SOX5: variants seen among roughly 807,000 people sequenced by gnomAD.
The protein encoded by SOX5 is SRY-box transcription factor 5.
Under a neutral mutation model 92.0 loss-of-function variants are expected in SOX5, and 9 were observed. The observed-to-expected ratio is 0.10, with a 90% CI of 0.06 to 0.17. SOX5 has a LOEUF of 0.17. Among genes scored for constraint, SOX5 ranks in the 10% least tolerant of loss-of-function variants. The pLI, the probability that SOX5 is intolerant of heterozygous loss-of-function variation, is 1.00. For synonymous variants in SOX5, 344 were observed against 336.3 expected (o/e 1.02, Z -0.25); for missense variants, 642 against 944.5 (o/e 0.68, Z 4.20).
chr12:23,577,864 G>A (rs1248008809), intron 9 of SOX5, among the ~76,000 whole-genome samples: 1 of 151,630 alleles, frequency 6.6e-6, no homozygotes, highest in Non-Finnish European at 1.5e-5. Context: ...GCTCACACCT[G>A]TAATCCCAGC....
At chr12:24,167,386 T>A (rs1953538342) in intron 4 of SOX5, among the ~76,000 whole-genome samples, 1 of 152,240 alleles carries the variant, frequency 6.6e-6, no homozygotes, top group Non-Finnish European at 1.5e-5. Context: ...CAAACACACC[T>A]ATTAACAATT....
chr12:23,865,696 A>C (rs2096804347), intron 2 of SOX5, among the ~76,000 whole-genome samples: 1 of 152,136 alleles, frequency 6.6e-6, no homozygotes, highest in Admixed American at 6.5e-5. Context: ...AAAAAAATAC[A>C]TTTTGTAAGG....
intron 3 of SOX5, among the ~76,000 whole-genome samples, chr12:23,771,668 A>T (rs2094939766): frequency 6.6e-6 from 1 of 152,136 alleles, no homozygotes; most frequent in Non-Finnish European, 1.5e-5. Context: ...ACATCCATTA[A>T]AAAGGTTAAT....
intron 2 of SOX5, among the ~76,000 whole-genome samples, chr12:23,874,409 G>A (rs927085840): frequency 1.3e-5 from 2 of 152,202 alleles, no homozygotes; most frequent in East Asian, 1.9e-4. Flanking sequence ...GCAGACCACC[G>A]CAACCTTGGT....
chr12:24,343,260 C>A (rs1216351161), intron 2 of SOX5, among the ~76,000 whole-genome samples: 1 of 146,670 alleles, frequency 6.8e-6, no homozygotes, highest in Admixed American at 6.8e-5. Flanking sequence ...GTTCTTCTGT[C>A]TATAATTTAT....
chr12:24,252,036 A>C (rs2140165575), intron 3 of SOX5, among the ~76,000 whole-genome samples: 1 of 152,310 alleles, frequency 6.6e-6, no homozygotes, highest in Non-Finnish European at 1.5e-5. Context: ...TCATTCTGCA[A>C]ATCTTAATCA....
At chr12:23,806,016 C>G (rs1022715643) in intron 3 of SOX5, among the ~76,000 whole-genome samples, 6 of 152,050 alleles carry the variant, frequency 3.9e-5, no homozygotes, top group African/African-American at 1.4e-4. Context: ...TAGGAATATG[C>G]TAAGATTTAG....
chr12:23,604,451 G>A lies in SOX5; in HGVS notation c.1100C>T (p.Ala367Val). 6.2e-7 allele frequency: 1 copy of A among 1,613,744 alleles called. No homozygotes were observed. ...GTGAATGCTGGTAGGAGATACAGCA[G>A]CACCAAGGTTGCCTTGGGGTATGCC... is the stretch of plus-strand genomic sequence containing the variant. ...LPGIPQGNLG[A>V]AVSPTSIHTD... The change falls in exon 9 of 15, where the codon GCT (alanine) becomes GTT (valine). Residue 367 changes from alanine to valine, a missense_variant. Transcript: ENST00000451604.
At chr12:24,272,949 T>C (rs1943955503) in intron 3 of SOX5, among the ~76,000 whole-genome samples, 1 of 152,134 alleles carries the variant, frequency 6.6e-6, no homozygotes, top group African/African-American at 2.4e-5. Context: ...ACATTAGACT[T>C]TGGCTGAGTG....
chr12:23,981,843 T>C (rs940249155), intron 4 of SOX5, among the ~76,000 whole-genome samples: 44 of 152,326 alleles, frequency 2.9e-4, no homozygotes, highest in African/African-American at 1.1e-3. Flanking sequence ...ACACAATTCC[T>C]TGTTTTCTAG....
In SOX5 at chr12:24,438,460, G is replaced by A. The variant is rs1022225744; in HGVS notation, c.-250-69821C>T. ...AAAAATATACATATATATATATTTT[G>A]TAAGGCTATAGCTGCCATAGATAGT... is the stretch of plus-strand genomic sequence containing the variant. On this transcript the variant is annotated intron_variant, in intron 1 of 4. Coordinates refer to the SOX5 transcript ENST00000446891. Among the ~76,000 whole-genome samples, 92 of 152,120 alleles carry A rather than the reference G, an allele frequency of 6.0e-4. 2 individuals carry two copies. The highest frequency in any genetic ancestry group is 2.2e-3 in the African/African-American group (91 of 41,490).
At chr12:23,938,918 T>C (rs912779875) in intron 1 of SOX5, among the ~76,000 whole-genome samples, 2 of 151,048 alleles carry the variant, frequency 1.3e-5, no homozygotes, top group African/African-American at 4.8e-5. Flanking sequence ...GATATCTGAC[T>C]AGTATGTTAT....
chr12:23,734,158 A>C (rs1404541728), intron 6 of SOX5, among the ~76,000 whole-genome samples: 5 of 152,134 alleles, frequency 3.3e-5, no homozygotes, highest in Non-Finnish European at 7.4e-5. Flanking sequence ...GCAAATTTCC[A>C]AATAACAAAA....
At chr12:24,557,603 T>C (rs1323699763) in intron 1 of SOX5, among the ~76,000 whole-genome samples, 7 of 152,186 alleles carry the variant, frequency 4.6e-5, no homozygotes, top group Non-Finnish European at 8.8e-5. Context: ...AAAAATGTCT[T>C]AAGCTACCAG....
At chr12:23,630,475 T>C (rs1237559886) in intron 8 of SOX5, among the ~76,000 whole-genome samples, 1 of 151,974 alleles carries the variant, frequency 6.6e-6, no homozygotes, top group African/African-American at 2.4e-5. Context: ...TAACACACTT[T>C]AGTGCTGCTC....
intron 1 of SOX5, among the ~76,000 whole-genome samples, chr12:23,918,996 A>T (rs898492319): frequency 7.1e-6 from 1 of 140,218 alleles, no homozygotes. Context: ...AATTGTATTT[A>T]AAAAATCACA....
chr12:24,094,740 C>T (rs368082663), intron 4 of SOX5, among the ~76,000 whole-genome samples: 9 of 152,134 alleles, frequency 5.9e-5, no homozygotes, highest in African/African-American at 2.2e-4. Context: ...ATACTTTCCC[C>T]ACCGGCTTTT....
At chr12:23,544,741 A>G (rs970193760) in intron 12 of SOX5, among the ~76,000 whole-genome samples, 1 of 152,252 alleles carries the variant, frequency 6.6e-6, no homozygotes, top group Non-Finnish European at 1.5e-5. Flanking sequence ...TACTGTGGGT[A>G]TATTTTATCA....
rs181048323 is a variant in SOX5, at chr12:24,189,656, T to C, written c.-2+23687A>G. On this transcript the variant is annotated intron_variant, in intron 4 of 4. Transcript: ENST00000446891. ...CAAGGCCCACAATTCCATAAATAGC[T>C]GTTGTTTTTTAGTTTGTCGATTCTA... Among the ~76,000 whole-genome samples, 538 of 152,286 alleles carry C rather than the reference T, an allele frequency of 3.5e-3. 8 individuals are homozygous for C. Among genetic ancestry groups the C allele is most frequent in the Admixed American group, 1.8e-3 (28 of 15,302 alleles).
Sources: allele counts gnomAD v4.1 joint callset (sites outside exome capture counted in the v4.1 genomes callset), GRCh38; gene constraint gnomAD v4.1.1; transcripts MANE v1.5; gene names NCBI Gene and HGNC (gene_info 2026-07-23, HGNC 2026-07-21).